The following ERICH1 variants were observed in gnomAD, a reference collection of about 807,000 sequenced individuals.
The protein encoded by ERICH1 is glutamate-rich protein 1.
In ERICH1, 56 loss-of-function variants were observed where a neutral mutation model predicts 39.6. That is an observed-to-expected ratio of 1.41 (90% CI 1.14 to 1.77). The LOEUF is 1.77. Ranked by LOEUF, ERICH1 falls within the 40% of genes most tolerant of loss-of-function variation. ERICH1 has a pLI of 0.00. For missense variants in ERICH1, 826 were observed against 575.4 expected (o/e 1.44, Z -4.45); for synonymous variants, 313 against 223.6 (o/e 1.40, Z -3.57).
At chr8:627,245 G>T (rs1450010774) in intron 3 of ERICH1, 1 of 456,204 alleles carries the variant, frequency 2.2e-6, no homozygotes, top group East Asian at 7.0e-5. Context: ...CCACCTGGAA[G>T]TTGGAGATAA....
chr8:629,174 C>T (rs1365361337), intron 3 of ERICH1, among the ~76,000 whole-genome samples: 3 of 152,160 alleles, frequency 2.0e-5, no homozygotes, highest in Non-Finnish European at 4.4e-5. Context: ...CATACGGTCC[C>T]ACCCAGCACC....
chr8:720,672 T>G (rs1470228201), intron 1 of ERICH1, among the ~76,000 whole-genome samples: 1 of 152,166 alleles, frequency 6.6e-6, no homozygotes, highest in Non-Finnish European at 1.5e-5. Context: ...AAATTCAAAC[T>G]TGAGCACGGT....
At chr8:624,448 C>T (rs1797480180) in intron 3 of ERICH1, among the ~76,000 whole-genome samples, 2 of 152,246 alleles carry the variant, frequency 1.3e-5, no homozygotes, top group African/African-American at 4.8e-5. Context: ...ACATTCACGC[C>T]AAAGCTTGTA....
At chr8:720,298 C>A (rs1253357169) in intron 1 of ERICH1, among the ~76,000 whole-genome samples, 4 of 152,158 alleles carry the variant, frequency 2.6e-5, no homozygotes, top group Non-Finnish European at 5.9e-5. Flanking sequence ...GCCAGCGTCA[C>A]CCACGGACAT....
intron 1 of ERICH1, 87 bp downstream of exon 1, chr8:731,053 C>T (rs1819877797): frequency 7.6e-7 from 1 of 1,322,140 alleles, no homozygotes; most frequent in Non-Finnish European, 9.7e-7. Flanking sequence ...GGAAAGGGGC[C>T]GGGGTCGGGG....
At chr8:642,985 C>G (rs910457650) in intron 3 of ERICH1, among the ~76,000 whole-genome samples, 2 of 152,172 alleles carry the variant, frequency 1.3e-5, no homozygotes, top group Non-Finnish European at 2.9e-5. Context: ...CTTGTTGGAA[C>G]GTGGCCCGAA....
intron 3 of ERICH1, among the ~76,000 whole-genome samples, chr8:628,905 CG>C (rs1272514351): frequency 6.6e-6 from 1 of 152,164 alleles, no homozygotes; most frequent in Non-Finnish European, 1.5e-5. Flanking sequence ...TCACGAACCT[CG>C]GGGTCCCAGG....
intron 2 of ERICH1, among the ~76,000 whole-genome samples, chr8:706,251 A>C (rs1341080026): frequency 1.3e-5 from 2 of 152,254 alleles, no homozygotes; most frequent in Non-Finnish European, 2.9e-5. Context: ...TCCACAACAA[A>C]AATGTAAGAG....
chr8:639,670 A>AG (rs1798766412), intron 3 of ERICH1, among the ~76,000 whole-genome samples: 1 of 139,078 alleles, frequency 7.2e-6, no homozygotes, highest in African/African-American at 2.8e-5. Context: ...GGCAGCCACC[A>AG]ATCCAGTTAG....
chr8:671,896 C>T lies in ERICH1; in HGVS notation c.1063+1393G>A, dbSNP rs189361720. On this transcript the variant is annotated intron_variant, in intron 4 of 5. Coordinates refer to ENST00000262109, the MANE Select transcript of ERICH1 (RefSeq NM_207332.3). Reference sequence around the variant, plus strand: ...CTGCGACCTCTGAACCTGCCAGCCCCGGCTCTGTCTGTGCTCACTGGGCTC... The same window carrying T: ...CTGCGACCTCTGAACCTGCCAGCCCTGGCTCTGTCTGTGCTCACTGGGCTC... 195 of 167,008 alleles carry T rather than the reference C, an allele frequency of 1.2e-3. 1 individual carries two copies. The highest frequency in any genetic ancestry group is 1.4e-3 in the Non-Finnish European group (108 of 77,046). 10.3% of individuals were successfully genotyped at this position (167,008 alleles called of 1,614,324 possible).
At chr8:677,161 G>A (rs1451051037) in intron 3 of ERICH1, among the ~76,000 whole-genome samples, 2 of 152,210 alleles carry the variant, frequency 1.3e-5, no homozygotes, top group East Asian at 1.9e-4. Context: ...AAGCTGTGAC[G>A]CAGTCCCACC....
intron 3 of ERICH1, among the ~76,000 whole-genome samples, chr8:622,089 A>G (rs537366880): frequency 1.3e-5 from 2 of 152,248 alleles, no homozygotes; most frequent in African/African-American, 4.8e-5. Context: ...GCGTGGTGGC[A>G]TGTGCACCTG....
chr8:671,528 G>A (rs1317295394), intron 4 of ERICH1, among the ~76,000 whole-genome samples: 13 of 144,092 alleles, frequency 9.0e-5, no homozygotes, highest in Non-Finnish European at 1.2e-4. Context: ...TCCAGGCTCC[G>A]ACCTCTGAAC....
chr8:634,773 G>A (rs1336798918), intron 3 of ERICH1, among the ~76,000 whole-genome samples: 1 of 152,196 alleles, frequency 6.6e-6, no homozygotes, highest in African/African-American at 2.4e-5. Flanking sequence ...GGAAGCCTCT[G>A]CACTTCCAAA....
chr8:661,454 T>C (rs1349172589), downstream of ERICH1, among the ~76,000 whole-genome samples: 2 of 151,672 alleles, frequency 1.3e-5, no homozygotes, highest in Non-Finnish European at 2.9e-5. Context: ...ATATTCTGTG[T>C]TTTTTTCCTT....
At chr8:720,794 G>C (rs1196705504) in intron 1 of ERICH1, among the ~76,000 whole-genome samples, 1 of 152,184 alleles carries the variant, frequency 6.6e-6, no homozygotes, top group Admixed American at 6.5e-5. Flanking sequence ...GGGTGTTCTA[G>C]AACCTAGTGA....
At chr8:620,664 C>A (rs1183783372) in intron 3 of ERICH1, among the ~76,000 whole-genome samples, 1 of 152,134 alleles carries the variant, frequency 6.6e-6, no homozygotes, top group Non-Finnish European at 1.5e-5. Context: ...ATACTAACAT[C>A]AGAAAAAACA....
rs376848114 is a variant in ERICH1 at position 616,423 on chromosome 8, CCG to C, written c.977-1141_977-1140del. ...CCACGTGTGTGAGGCTGACCGAACCCCGCACACCCCATGCTCTCCTGGCTAAG... is the reference window on the plus strand; with the variant it reads ...CCACGTGTGTGAGGCTGACCGAACCCCACACCCCATGCTCTCCTGGCTAAG... On this transcript the variant is annotated intron_variant, in intron 3 of 3. Transcript: ENST00000522706. The C allele has an allele frequency of 3.2e-4, 136 of 422,068 alleles. 4 individuals carry two copies. Among genetic ancestry groups the C allele is most frequent in the African/African-American group, 2.3e-3 (112 of 49,348 alleles). 26.1% of individuals were successfully genotyped at this position (422,068 alleles called of 1,614,324 possible). A position where few individuals can be genotyped will look rare whatever the true frequency, so the allele number is the denominator to read the frequency against.
In ERICH1 at chr8:647,759, C is replaced by T. The variant is rs1799551391; in HGVS notation, c.976+20839G>A. 3.0e-5 allele frequency among the ~76,000 whole-genome samples: 2 copies of T among 66,806 alleles called. 1 individual carries two copies. The highest frequency in any genetic ancestry group is 7.8e-5 in the African/African-American group (2 of 25,634). The allele number at this position is 66,806 out of a possible 152,430, so 43.8% of individuals were successfully genotyped here. Reference sequence around the variant, plus strand: ...TCCTATGGCTGTTCCCAGGATTTCTCTGTGGTATCAGGGAGTGTCATCATT... The same window carrying T: ...TCCTATGGCTGTTCCCAGGATTTCTTTGTGGTATCAGGGAGTGTCATCATT... On this transcript the variant is annotated intron_variant, in intron 3 of 3. Coordinates refer to the ERICH1 transcript ENST00000522706.
Sources: gnomAD v4.1 joint callset for allele counts (sites outside exome capture counted in the v4.1 genomes callset) on GRCh38, gnomAD v4.1.1 for gene constraint, MANE v1.5 for transcripts, NCBI Gene and HGNC (gene_info 2026-07-23, HGNC 2026-07-21) for gene names.